The following ATG2B variants were observed in gnomAD, a reference collection of about 807,000 sequenced individuals.
The protein encoded by ATG2B is autophagy-related protein 2 homolog B.
ATG2B carries 121 observed loss-of-function variants against 241.3 expected under a neutral mutation model. That is an observed-to-expected ratio of 0.50 (90% CI 0.43 to 0.58). The LOEUF (loss-of-function observed/expected upper bound fraction) is 0.58, where lower values mean the gene tolerates loss of function less well. Among genes scored for constraint, ATG2B ranks in the 20% least tolerant of loss-of-function variants. ATG2B has a pLI of 0.00. For synonymous variants in ATG2B, 858 were observed against 876.6 expected, an observed-to-expected ratio of 0.98 and a Z score of 0.37; for missense variants, 2,306 against 2,491.6, an observed-to-expected ratio of 0.93 and a Z score of 1.59.
rs576560950 is a variant in ATG2B at position 96,320,415 on chromosome 14, T to A, written c.2879+1697A>T. ...CTCCTCTTACATATCTCTGAAAAAATTTTTTTCACTTCACTTTAAAGAAAC... is the reference window on the plus strand; with the variant it reads ...CTCCTCTTACATATCTCTGAAAAAAATTTTTTCACTTCACTTTAAAGAAAC... On this transcript the variant is annotated intron_variant, in intron 18 of 41. Coordinates refer to ENST00000359933, the MANE Select transcript of ATG2B (RefSeq NM_018036.7). Among the ~76,000 whole-genome samples, 48 of 151,758 alleles carry A rather than the reference T, an allele frequency of 3.2e-4. No individual in the cohort carries two copies. The South Asian group carries it at 8.6e-3, about 27-fold the overall frequency.
At chr14:96,339,871 C>T (rs929407340) in intron 6 of ATG2B, among the ~76,000 whole-genome samples, 1 of 151,370 alleles carries the variant, frequency 6.6e-6, no homozygotes, top group African/African-American at 2.4e-5. Flanking sequence ...CCAAAAACAA[C>T]TGAAATTTTT....
chr14:96,340,094 G>T (rs1009898025), intron 6 of ATG2B, among the ~76,000 whole-genome samples: 2 of 78,032 alleles, frequency 2.6e-5, no homozygotes, highest in East Asian at 8.4e-4. Flanking sequence ...ATGAATATAT[G>T]CTATATAGAA....
rs370558018 is a variant in ATG2B at position 96,311,694 on chromosome 14, C to T, written c.3914-76G>A. On this transcript the variant is annotated intron_variant, in intron 26 of 41. Coordinates refer to ENST00000359933, the MANE Select transcript of ATG2B (RefSeq NM_018036.7). Reference sequence around the variant, plus strand: ...TGTATCCAACCAACACCCAATACAACTAGCATTCCTTTAAAATTCATTGCA... The same window carrying T: ...TGTATCCAACCAACACCCAATACAATTAGCATTCCTTTAAAATTCATTGCA... The T allele has an allele frequency of 1.5e-4, 133 of 864,764 alleles. 2 individuals carry two copies. The East Asian group carries it at 3.1e-3, about 20-fold the overall frequency. 53.6% of individuals were successfully genotyped at this position (864,764 alleles called of 1,614,324 possible). A position where few individuals can be genotyped will look rare whatever the true frequency, so the allele number is the denominator to read the frequency against.
At chr14:96,340,526 G>T (rs1888005070) in intron 6 of ATG2B, among the ~76,000 whole-genome samples, 1 of 152,032 alleles carries the variant, frequency 6.6e-6, no homozygotes, top group Admixed American at 6.6e-5. Context: ...TACTCACGAA[G>T]AGTAGACTGA....
In ATG2B at chr14:96,285,977, T is replaced by C; in HGVS notation, c.6015A>G (p.Thr2005=). The C allele has an allele frequency of 6.2e-7, 1 of 1,611,748 alleles. No individual in the cohort carries two copies. Among genetic ancestry groups the C allele is most frequent in the African/African-American group, 1.3e-5 (1 of 75,016 alleles). ...KAYSVVKEGI[T]DTAQTIYETA... is the part of the protein sequence containing the mutation. ...TTTCATAAATGGTCTGAGCCGTGTC[T>C]GTGATTCCCTGCGTAGAGGAGGGAG... Residue 2005 remains threonine, a synonymous_variant, in exon 42 of 42, where the codon ACA becomes ACG. Transcript: ENST00000359933. This position sits in a 1 kb window ranked among gnomAD's most constrained non-coding sequence, Gnocchi z 4.2.
chr14:96,302,028 C>T lies in ATG2B; in HGVS notation c.5118G>A (p.Pro1706=), dbSNP rs374775258. The T allele has an allele frequency of 9.1e-5, 147 of 1,613,732 alleles. No homozygotes were observed. Among genetic ancestry groups the T allele is most frequent in the Non-Finnish European group, 1.2e-4 (140 of 1,179,844 alleles). ...AAACCTGGTCAATATTGAGGCGGAG[C>T]GGCATCAGCGACACTCTCAAGCAGC... ...QECCLRVSLM[P]LRLNIDQDAL... The change falls in exon 34 of 42, where the codon CCG becomes CCA. Residue 1706 remains proline (P), a synonymous_variant. Transcript: ENST00000359933.
At chr14:96,327,522 T>C (rs1223052400) in intron 14 of ATG2B, among the ~76,000 whole-genome samples, 1 of 152,094 alleles carries the variant, frequency 6.6e-6, no homozygotes, top group Non-Finnish European at 1.5e-5. Context: ...TCCCATATTG[T>C]TTGGGCTTCA....
rs1196675958 is a variant in ATG2B, at chr14:96,281,267, T to C, written c.*4488A>G. 4 of 152,118 alleles carry C rather than the reference T, an allele frequency of 2.6e-5. No individual in the cohort carries two copies. Among genetic ancestry groups the C allele is most frequent in the Admixed American group, 1.3e-4 (2 of 15,276 alleles). 9.4% of individuals were successfully genotyped at this position (152,118 alleles called of 1,614,324 possible). A position where few individuals can be genotyped will look rare whatever the true frequency, so the allele number is the denominator to read the frequency against. On this transcript the variant is annotated 3_prime_UTR_variant, in exon 42 of 42. Coordinates refer to ENST00000359933, the MANE Select transcript of ATG2B (RefSeq NM_018036.7). Reference sequence around the variant, plus strand: ...AGTGTTTAAAGCAAAATCCAAAGAGTAAATATTTTAATTTTTTCTTCAAGA... The same window carrying C: ...AGTGTTTAAAGCAAAATCCAAAGAGCAAATATTTTAATTTTTTCTTCAAGA...
Position 96,363,093 on chromosome 14 carries a change from C to T in ATG2B, c.-117G>A, listed in dbSNP as rs1277996999. 1 of 1,205,122 alleles carries T rather than the reference C, an allele frequency of 8.3e-7. No homozygotes were observed. The highest frequency in any genetic ancestry group is 1.2e-6 in the Non-Finnish European group (1 of 830,950). The allele number at this position is 1,205,122 out of a possible 1,614,324, so 74.7% of individuals were successfully genotyped here. ...CTAAGCCTGGGGCGGCCCCTCCATC[C>T]CTATTTGGTGCCGGGAGTCCCTCAG... On this transcript the variant is annotated 5_prime_UTR_variant, in exon 1 of 42. Coordinates refer to ENST00000359933, the MANE Select transcript of ATG2B (RefSeq NM_018036.7).
chr14:96,315,269 C>T (rs768449001), intron 22 of ATG2B, 35 bp from the exon 23 acceptor site: 7 of 1,585,306 alleles, frequency 4.4e-6, no homozygotes, highest in Non-Finnish European at 6.1e-6. Context: ...ACATTTACCA[C>T]CTATGTAATC....
chr14:96,355,027 T>G (rs1888437138), intron 1 of ATG2B, among the ~76,000 whole-genome samples: 1 of 152,254 alleles, frequency 6.6e-6, no homozygotes. Context: ...TCCTTACAGA[T>G]GCTGAATTTT....
chr14:96,346,255 T>A (rs556458211), intron 2 of ATG2B, among the ~76,000 whole-genome samples: 1 of 152,038 alleles, frequency 6.6e-6, no homozygotes, highest in East Asian at 1.9e-4. Flanking sequence ...CATGAGAAAA[T>A]TCTCCCCACA....
chr14:96,310,452 A>T (rs944820373), intron 28 of ATG2B, among the ~76,000 whole-genome samples: 6 of 152,236 alleles, frequency 3.9e-5, no homozygotes, highest in Non-Finnish European at 8.8e-5. Context: ...AATGAAAAAG[A>T]AAAAATGCTA....
At chr14:96,291,931 T>C in intron 37 of ATG2B, 98 bp downstream of exon 37, 1 of 852,444 alleles carries the variant, frequency 1.2e-6, no homozygotes, top group Non-Finnish European at 1.8e-6. Context: ...ATTTCAAACA[T>C]ATATATAAAC....
At chr14:96,345,675 T>C (rs940998735) in intron 2 of ATG2B, among the ~76,000 whole-genome samples, 2 of 152,152 alleles carry the variant, frequency 1.3e-5, no homozygotes, top group African/African-American at 4.8e-5. Flanking sequence ...AAATACTTAA[T>C]GGATATCCTA....
intron 7 of ATG2B, 101 bp from the exon 8 acceptor site, chr14:96,333,974 C>T: frequency 1.0e-6 from 1 of 952,500 alleles, no homozygotes; most frequent in Non-Finnish European, 1.6e-6. Flanking sequence ...GGCAACTTAA[C>T]ACCACAGTGC....
Position 96,328,539 on chromosome 14 carries a change from TTA to T in ATG2B, c.1975-6_1975-5del. 6.3e-7 allele frequency: 1 copy of T among 1,580,208 alleles called. No individual in the cohort carries two copies. Among genetic ancestry groups the T allele is most frequent in the Non-Finnish European group, 8.6e-7 (1 of 1,169,434 alleles). ...AACTAAGTCTTGCTTGATTACCCTT[TTA>T]AAAAAAAAAAAGAAAAGGCATTAAT... On this transcript the variant is annotated splice_polypyrimidine_tract_variant and splice_region_variant and intron_variant, in intron 13 of 41. Coordinates refer to ENST00000359933, the MANE Select transcript of ATG2B (RefSeq NM_018036.7).
At chr14:96,308,272 A>T (rs1178871457) in intron 29 of ATG2B, among the ~76,000 whole-genome samples, 9 of 25,860 alleles carry the variant, frequency 3.5e-4, no homozygotes, top group African/African-American at 1.9e-3. Flanking sequence ...ATATATATAT[A>T]TATATATATA....
In ATG2B at chr14:96,332,422, T is replaced by G; in HGVS notation, c.1363-12A>C. 6.2e-7 allele frequency: 1 copy of G among 1,613,296 alleles called. No homozygotes were observed. The highest frequency in any genetic ancestry group is 8.5e-7 in the Non-Finnish European group (1 of 1,179,524). On this transcript the variant is annotated splice_polypyrimidine_tract_variant and intron_variant, in intron 9 of 41. Transcript: ENST00000359933. Reference sequence around the variant, plus strand: ...CAAGTGGGCTGAAGCTATAAAAGATTTTTTTTAAGCACATGAATGAAGTGT... The same window carrying G: ...CAAGTGGGCTGAAGCTATAAAAGATGTTTTTTAAGCACATGAATGAAGTGT...
Sources: allele counts gnomAD v4.1 joint callset (sites outside exome capture counted in the v4.1 genomes callset), GRCh38; gene constraint gnomAD v4.1.1; non-coding constraint Gnocchi (gnomAD v3.1); transcripts MANE v1.5; gene names NCBI Gene and HGNC (gene_info 2026-07-23, HGNC 2026-07-21).